Variants in CTXND1 observed in about 807,000 individuals in gnomAD.
The protein encoded by CTXND1 is cortexin domain-containing 1 protein.
At chr15:80,239,506 G>A (rs1044765905) in intron 1 of CTXND1, among the ~76,000 whole-genome samples, 6 of 152,182 alleles carry the variant, frequency 3.9e-5, no homozygotes, top group African/African-American at 1.4e-4. Context: ...AGAGACAGGC[G>A]CAGCCTCCCT....
chr15:80,219,079 G>A (rs538060661), intron 1 of CTXND1, among the ~76,000 whole-genome samples: 8 of 150,390 alleles, frequency 5.3e-5, no homozygotes, highest in African/African-American at 7.3e-5. Flanking sequence ...CTACAGGTGC[G>A]CACTACCACT....
chr15:80,222,482 C>G (rs768954888), intron 1 of CTXND1, among the ~76,000 whole-genome samples: 3 of 152,166 alleles, frequency 2.0e-5, no homozygotes, highest in Non-Finnish European at 4.4e-5. Flanking sequence ...AACCCTAACT[C>G]TCTAATATAC....
At chr15:80,210,414 C>G (rs1893192741) in intron 1 of CTXND1, among the ~76,000 whole-genome samples, 1 of 152,214 alleles carries the variant, frequency 6.6e-6, no homozygotes, top group African/African-American at 2.4e-5. Flanking sequence ...AGCTGTTTCT[C>G]TCTTTTGTGG....
At chr15:80,245,659 C>A (rs1298696697) in intron 1 of CTXND1, among the ~76,000 whole-genome samples, 1 of 152,192 alleles carries the variant, frequency 6.6e-6, no homozygotes, top group South Asian at 2.1e-4. Context: ...GACTCTACCT[C>A]TTTGTGGATT....
rs1893194978 is a variant in CTXND1 at position 80,210,670 on chromosome 15, G to A, written c.-217-6930C>T. 2.6e-5 allele frequency among the ~76,000 whole-genome samples: 4 copies of A among 152,184 alleles called. No homozygotes were observed. The South Asian group carries it at 6.2e-4, about 24-fold the overall frequency. ...TGAACACTTCAGAATCAGCAGCCTCGCTTTCTATGCTGATGTATTTCCTTA... is the reference window on the plus strand; with the variant it reads ...TGAACACTTCAGAATCAGCAGCCTCACTTTCTATGCTGATGTATTTCCTTA... On this transcript the variant is annotated intron_variant, in intron 1 of 2. Coordinates refer to ENST00000560778, the MANE Select transcript of CTXND1 (RefSeq NM_001352888.2).
At position 80,195,820 on chromosome 15, in the gene CTXND1, A is replaced by G. The variant is rs771772180; in HGVS notation, c.*5950T>C. Reference sequence around the variant, plus strand: ...ATTCATCTCAGCATATCCCACAAACATGGCCTTTAACCAAGAAACCTTAGG... The same window carrying G: ...ATTCATCTCAGCATATCCCACAAACGTGGCCTTTAACCAAGAAACCTTAGG... On this transcript the variant is annotated 3_prime_UTR_variant, in exon 3 of 3. Coordinates refer to ENST00000560778, the MANE Select transcript of CTXND1 (RefSeq NM_001352888.2). The G allele has an allele frequency of 7.2e-5, 11 of 152,176 alleles. No homozygotes were observed. Among genetic ancestry groups the G allele is most frequent in the Non-Finnish European group, 1.2e-4 (8 of 68,034 alleles). 9.4% of individuals were successfully genotyped at this position (152,176 alleles called of 1,614,324 possible).
chr15:80,217,525 T>TTTA (rs1893266378), intron 1 of CTXND1, among the ~76,000 whole-genome samples: 1 of 74,762 alleles, frequency 1.3e-5, no homozygotes. Flanking sequence ...AGCTTGCTTA[T>TTTA]TTATTTATTT....
chr15:80,209,378 G>A (rs554681314), intron 1 of CTXND1, among the ~76,000 whole-genome samples: 9 of 152,298 alleles, frequency 5.9e-5, no homozygotes, highest in South Asian at 2.1e-4. Context: ...TGGCCTTCCC[G>A]GTGGCCAGCT....
chr15:80,215,820 C>T lies in CTXND1; in HGVS notation c.-217-12080G>A, dbSNP rs1049158363. ...CAAGATGATTTCATTCCAGGGGCTTCGTTGCTCTTTCCTCCCTCTGGACGT... is the reference window on the plus strand; with the variant it reads ...CAAGATGATTTCATTCCAGGGGCTTTGTTGCTCTTTCCTCCCTCTGGACGT... On this transcript the variant is annotated intron_variant, in intron 1 of 2. Transcript: ENST00000560778. 2.0e-5 allele frequency among the ~76,000 whole-genome samples: 3 copies of T among 152,144 alleles called. No homozygotes were observed. In the South Asian group the frequency reaches 6.2e-4, roughly 32 times the overall value.
intron 1 of CTXND1, among the ~76,000 whole-genome samples, chr15:80,239,231 C>T (rs1433399347): frequency 6.6e-6 from 1 of 152,228 alleles, no homozygotes; most frequent in Non-Finnish European, 1.5e-5. Context: ...GCCTGGGTCC[C>T]TTATATGGTC....
intron 1 of CTXND1, among the ~76,000 whole-genome samples, chr15:80,219,943 G>A (rs765067432): frequency 6.6e-6 from 1 of 152,034 alleles, no homozygotes; most frequent in Non-Finnish European, 1.5e-5. Flanking sequence ...CTCCCGCCCC[G>A]CAATCTGTGG....
In CTXND1 at chr15:80,248,231, G is replaced by A. The variant is rs146582463; in HGVS notation, c.-218+3776C>T. 3.2e-3 allele frequency among the ~76,000 whole-genome samples: 483 copies of A among 152,246 alleles called. 2 individuals carry two copies. Among genetic ancestry groups the A allele is most frequent in the African/African-American group, 0.011 (467 of 41,534 alleles). On this transcript the variant is annotated intron_variant, in intron 1 of 2. Coordinates refer to ENST00000560778, the MANE Select transcript of CTXND1 (RefSeq NM_001352888.2). ...TGGTCGTACAAGTCATACCTGATTC[G>A]ATGCAGGCAGCCCAACCTGGGAACA...
intron 1 of CTXND1, among the ~76,000 whole-genome samples, chr15:80,246,176 A>G (rs1481293855): frequency 6.6e-6 from 1 of 152,234 alleles, no homozygotes; most frequent in African/African-American, 2.4e-5. Context: ...CTGAATTCAA[A>G]GGACTCAGCT....
At chr15:80,219,098 A>AT (rs201058816) in intron 1 of CTXND1, among the ~76,000 whole-genome samples, 26,866 of 138,084 alleles carry the variant, frequency 0.19, 2,865 homozygotes, top group East Asian at 0.55. Context: ...CTCCCAGCTA[A>AT]TTTTTTTTTT....
rs189931275 is a variant in CTXND1, at chr15:80,217,739, G to T, written c.-217-13999C>A. Among the ~76,000 whole-genome samples the T allele has an allele frequency of 9.8e-4, 149 of 152,016 alleles. 1 individual carries two copies. The highest frequency in any genetic ancestry group is 2.9e-3 in the African/African-American group (120 of 41,456). On this transcript the variant is annotated intron_variant, in intron 1 of 2. Transcript: ENST00000560778. The stretch of plus-strand genomic sequence containing the variant: ...TTCTTGTATTTTTTATAGAGTCAAG[G>T]TTTCACCATGTTGCCCAGGCTGGTC...
chr15:80,218,144 T>C (rs972491856), intron 1 of CTXND1, among the ~76,000 whole-genome samples: 3 of 152,166 alleles, frequency 2.0e-5, no homozygotes, highest in Non-Finnish European at 4.4e-5. Flanking sequence ...TATTAGTATA[T>C]GTATTTTTAG....
At chr15:80,203,934 C>T (rs555269402) in intron 1 of CTXND1, among the ~76,000 whole-genome samples, 194 bp from the exon 2 acceptor site, 4 of 151,122 alleles carry the variant, frequency 2.6e-5, no homozygotes, top group Non-Finnish European at 4.4e-5. Flanking sequence ...CTTTGGGAGG[C>T]TGAGGTGGGA....
At chr15:80,217,822 C>T (rs1893270406) in intron 1 of CTXND1, among the ~76,000 whole-genome samples, 1 of 152,132 alleles carries the variant, frequency 6.6e-6, no homozygotes, top group Admixed American at 6.5e-5. Flanking sequence ...GTTGGGATTA[C>T]AGGTGTAGGC....
Position 80,223,901 on chromosome 15 carries a change from G to A in CTXND1, c.-217-20161C>T, listed in dbSNP as rs574359443. On this transcript the variant is annotated intron_variant, in intron 1 of 2. Transcript: ENST00000560778. ...AAAATATGTCCACAAATACTTTGAA[G>A]AGGTTGAGTCCATGCGTCCCCCCAT... Among the ~76,000 whole-genome samples the A allele has an allele frequency of 5.3e-5, 8 of 152,216 alleles. No homozygotes were observed. The South Asian group carries it at 1.2e-3, about 24-fold the overall frequency.
Sources: gnomAD v4.1 joint callset for allele counts (sites outside exome capture counted in the v4.1 genomes callset) on GRCh38, gnomAD v4.1.1 for gene constraint, MANE v1.5 for transcripts, NCBI Gene and HGNC (gene_info 2026-07-23, HGNC 2026-07-21) for gene names.